PTPRA: variants seen among roughly 807,000 people sequenced by gnomAD.
PTPRA encodes protein tyrosine phosphatase receptor type A.
PTPRA carries 25 observed loss-of-function variants against 104.8 expected under a neutral mutation model. The ratio of observed to expected loss-of-function variants is 0.24; its 90% CI spans 0.17 to 0.33. PTPRA has a LOEUF of 0.33. Among genes scored for constraint, PTPRA ranks in the 10% least tolerant of loss-of-function variants. The pLI is 1.00. For missense variants in PTPRA, 765 were observed against 1,015.3 expected, an observed-to-expected ratio of 0.75 and a Z score of 3.35; for synonymous variants, 323 against 368.9, an observed-to-expected ratio of 0.88 and a Z score of 1.43.
rs182986128 is a variant in PTPRA at position 2,922,527 on chromosome 20, A to T, written c.-128-680A>T. On this transcript the variant is annotated intron_variant, in intron 1 of 23. Transcript: ENST00000399903. The stretch of plus-strand genomic sequence containing the variant: ...GCTAATTTTTGTATTTTTGGTAGAG[A>T]CGGGGTTTCACCATGTTGGCCAGGC... Among the ~76,000 whole-genome samples the T allele has an allele frequency of 2.0e-5, 3 of 152,092 alleles. No individual in the cohort carries two copies. In the East Asian group the frequency reaches 5.8e-4, roughly 29 times the overall value.
At chr20:3,023,214 C>T (rs781678526) in intron 16 of PTPRA, among the ~76,000 whole-genome samples, 30 of 152,216 alleles carry the variant, frequency 2.0e-4, no homozygotes, top group Admixed American at 9.8e-4. Flanking sequence ...GTCTCAAGCA[C>T]CCAGGGACAC....
intron 1 of PTPRA, among the ~76,000 whole-genome samples, chr20:2,893,550 C>T (rs2058879918): frequency 6.6e-6 from 1 of 152,048 alleles, no homozygotes; most frequent in Middle Eastern, 3.2e-3. Flanking sequence ...TATGGTATAT[C>T]ATATATATCA....
rs78519355 is a variant in PTPRA at position 2,961,474 on chromosome 20, A to G, written c.-6-2798A>G. 6.1e-3 allele frequency among the ~76,000 whole-genome samples: 930 copies of G among 152,076 alleles called. 5 individuals carry two copies. The highest frequency in any genetic ancestry group is 6.6e-3 in the Non-Finnish European group (448 of 67,972). ...TCTTCAGGTCTTTTGCCCATTTTTA[A>G]TCTGGTTGTTATTTTTCTTGTTGAG... is the stretch of plus-strand genomic sequence containing the variant. On this transcript the variant is annotated intron_variant, in intron 3 of 23. Transcript: ENST00000399903.
intron 11 of PTPRA, among the ~76,000 whole-genome samples, chr20:3,011,790 A>G (rs1367138222): frequency 1.3e-5 from 2 of 152,212 alleles, no homozygotes; most frequent in African/African-American, 4.8e-5. Context: ...GGGTACCTTA[A>G]CAAAACCTGG....
Position 3,037,333 on chromosome 20 carries a change from G to T in PTPRA, c.2334+44G>T. 1.2e-6 allele frequency: 2 copies of T among 1,606,704 alleles called. No individual in the cohort carries two copies. Among genetic ancestry groups the T allele is most frequent in the Non-Finnish European group, 1.7e-6 (2 of 1,176,456 alleles). The stretch of plus-strand genomic sequence containing the variant: ...TGTCCCTGCCACCACACCACCTGCA[G>T]CCCTTCTCTCAGGGAGGAGGCTCTT... On this transcript the variant is annotated intron_variant, in intron 23 of 23. Transcript: ENST00000399903. This position sits in a 1 kb window ranked among gnomAD's most constrained non-coding sequence, Gnocchi z 4.3.
At chr20:2,957,710 A>G (rs1023540013) in intron 3 of PTPRA, among the ~76,000 whole-genome samples, 4 of 152,204 alleles carry the variant, frequency 2.6e-5, no homozygotes, top group South Asian at 2.1e-4. Flanking sequence ...ATTTCTGGAT[A>G]TAGTGACTGG....
chr20:2,948,048 A>C (rs979038826), intron 3 of PTPRA, 24 bp downstream of exon 3: 31 of 1,029,966 alleles, frequency 3.0e-5, no homozygotes, highest in Non-Finnish European at 4.1e-5. Flanking sequence ...TAGTTTTTTA[A>C]GTTTTTTCTA....
chr20:2,924,708 G>C (rs1387155902), intron 2 of PTPRA, among the ~76,000 whole-genome samples: 1 of 152,122 alleles, frequency 6.6e-6, no homozygotes, highest in Non-Finnish European at 1.5e-5. Flanking sequence ...TTGAGACTGA[G>C]TCTTGCTATG....
chr20:2,942,800 A>C (rs1162158711), intron 2 of PTPRA, among the ~76,000 whole-genome samples: 1 of 151,642 alleles, frequency 6.6e-6, no homozygotes, highest in Non-Finnish European at 1.5e-5. Context: ...ATGACATATA[A>C]TATAATTACA....
intron 5 of PTPRA, among the ~76,000 whole-genome samples, chr20:2,967,293 T>C (rs571050361): frequency 3.9e-5 from 6 of 152,342 alleles, no homozygotes; most frequent in African/African-American, 1.4e-4. Context: ...GCTGAGACTA[T>C]GTTTCTCTAG....
intron 2 of PTPRA, among the ~76,000 whole-genome samples, chr20:2,944,461 C>G (rs1282201822): frequency 6.6e-6 from 1 of 152,192 alleles, no homozygotes; most frequent in Admixed American, 6.5e-5. Context: ...TTGGGCCTCT[C>G]TCTTAACGTA....
chr20:2,965,515 GAA>G (rs1292872642), intron 5 of PTPRA, among the ~76,000 whole-genome samples: 9 of 152,206 alleles, frequency 5.9e-5, no homozygotes, highest in African/African-American at 1.9e-4. Flanking sequence ...GACTGAAGAT[GAA>G]AAGATACAGA....
At chr20:3,020,904 T>G (rs968286598) in intron 13 of PTPRA, among the ~76,000 whole-genome samples, 2 of 152,252 alleles carry the variant, frequency 1.3e-5, no homozygotes, top group Non-Finnish European at 2.9e-5. Context: ...ACAGTCTGCA[T>G]CAGTCTACCC....
chr20:2,954,334 C>G (rs1050858499), intron 3 of PTPRA, among the ~76,000 whole-genome samples: 4 of 152,162 alleles, frequency 2.6e-5, no homozygotes, highest in African/African-American at 9.7e-5. Context: ...CCACCTTGAC[C>G]TCCCAAAGGG....
chr20:2,908,305 A>G (rs1326239352), intron 1 of PTPRA, among the ~76,000 whole-genome samples: 2 of 152,350 alleles, frequency 1.3e-5, no homozygotes, highest in East Asian at 1.9e-4. Context: ...CGCAGTTTCA[A>G]ACTGCACAGG....
In PTPRA at chr20:3,005,126, G is replaced by C. The variant is rs758970862; in HGVS notation, c.809G>C (p.Arg270Pro). ...ASKEENKEKN[R>P]YVNILPYDHS... ...AAGGAGGAAAACAAGGAAAAAAATC[G>C]ATATGTAAACATCTTGCCTTGTGAG... is the stretch of plus-strand genomic sequence containing the variant. The change falls in exon 10 of 24, where the codon CGA becomes CCA. Residue 270 changes from arginine to proline, a missense_variant. Transcript: ENST00000399903. 6.2e-7 allele frequency: 1 copy of C among 1,605,542 alleles called. No homozygotes were observed. The highest frequency in any genetic ancestry group is 8.5e-7 in the Non-Finnish European group (1 of 1,172,184).
At chr20:2,995,005 C>A (rs2063341886) in intron 9 of PTPRA, among the ~76,000 whole-genome samples, 1 of 152,298 alleles carries the variant, frequency 6.6e-6, no homozygotes, top group East Asian at 1.9e-4. Context: ...TGGTGAGTGC[C>A]TGTAATCCCA....
At chr20:2,927,236 A>C (rs2060334844) in intron 2 of PTPRA, among the ~76,000 whole-genome samples, 1 of 152,244 alleles carries the variant, frequency 6.6e-6, no homozygotes, top group East Asian at 1.9e-4. Flanking sequence ...CTAAGTAAAT[A>C]TTGTTCACTG....
At chr20:2,920,844 TA>T (rs1459720260) in intron 1 of PTPRA, among the ~76,000 whole-genome samples, 1 of 151,876 alleles carries the variant, frequency 6.6e-6, no homozygotes, top group Non-Finnish European at 1.5e-5. Flanking sequence ...GAGGTTTTTT[TA>T]AGATGTTAAA....
Sources: allele counts gnomAD v4.1 joint callset (sites outside exome capture counted in the v4.1 genomes callset), GRCh38; gene constraint gnomAD v4.1.1; non-coding constraint Gnocchi (gnomAD v3.1); transcripts MANE v1.5; gene names NCBI Gene and HGNC (gene_info 2026-07-23, HGNC 2026-07-21).